ABCC1: variants seen among roughly 807,000 people sequenced by gnomAD.
ABCC1 encodes ATP binding cassette subfamily C member 1 (ABCC1 blood group).
In ABCC1, 83 loss-of-function variants were observed where a neutral mutation model predicts 172.9. The ratio of observed to expected loss-of-function variants is 0.48; its 90% CI spans 0.40 to 0.58. The LOEUF (loss-of-function observed/expected upper bound fraction) is 0.58, where lower values mean the gene tolerates loss of function less well. Ranked by LOEUF, ABCC1 falls within the 20% of genes least tolerant of loss-of-function variation. ABCC1 has a pLI of 0.00. For missense variants in ABCC1, 1,817 were observed against 2,002.7 expected (o/e 0.91, Z 1.77); for synonymous variants, 937 against 825.2 (o/e 1.14, Z -2.32).
chr16:16,076,142 C>G, intron 14 of ABCC1, 184 bp from the exon 15 acceptor site: 1 of 592,988 alleles, frequency 1.7e-6, no homozygotes, highest in South Asian at 2.2e-5. Flanking sequence ...TCTGGGGCTG[C>G]CTCCAGAACT....
Position 16,044,669 on chromosome 16 carries a change from G to A in ABCC1, c.1029G>A (p.Pro343=), listed in dbSNP as rs568658348. Reference sequence around the variant, plus strand: ...ACGACCTGATGATGTTTTCCGGGCCGCAGATCTTAAAGTAAGACCCCTTCC... The same window carrying A: ...ACGACCTGATGATGTTTTCCGGGCCACAGATCTTAAAGTAAGACCCCTTCC... The part of the protein sequence containing the change: ...AIHDLMMFSG[P]QILKLLIKFV... The change falls in exon 8 of 31, where the codon CCG becomes CCA. Residue 343 remains proline, a synonymous_variant. Transcript: ENST00000399410. 2.6e-4 allele frequency: 425 copies of A among 1,613,976 alleles called. 5 individuals are homozygous for A. The South Asian group carries it at 4.2e-3, about 16-fold the overall frequency.
chr16:16,076,115 T>C, intron 14 of ABCC1: 1 of 556,772 alleles, frequency 1.8e-6, no homozygotes, highest in East Asian at 3.3e-5. Flanking sequence ...GCTTGCAGTT[T>C]CCTTCTGCTT....
rs372024159 is a variant in ABCC1 at position 16,102,776 on chromosome 16, G to A, written c.2735+59G>A. The A allele has an allele frequency of 1.1e-5, 16 of 1,509,592 alleles. No homozygotes were observed. In the South Asian group the frequency reaches 1.5e-4, roughly 14 times the overall value. 93.5% of individuals were successfully genotyped at this position (1,509,592 alleles called of 1,614,324 possible). On this transcript the variant is annotated intron_variant, in intron 20 of 30. Coordinates refer to ENST00000399410, the MANE Select transcript of ABCC1 (RefSeq NM_004996.4). ...CCCTGCCCTGCCAGTGGGAGGACAAGAGGAGGAACAAAAAAAGGCCTCAGC... is the reference window on the plus strand; with the variant it reads ...CCCTGCCCTGCCAGTGGGAGGACAAAAGGAGGAACAAAAAAAGGCCTCAGC...
intron 26 of ABCC1, among the ~76,000 whole-genome samples, chr16:16,126,286 T>A (rs1011267955): frequency 6.6e-6 from 1 of 152,148 alleles, no homozygotes; most frequent in African/African-American, 2.4e-5. Flanking sequence ...ATTGAGATGA[T>A]CTCCCTTCAA....
intron 26 of ABCC1, among the ~76,000 whole-genome samples, chr16:16,129,985 G>A (rs905948728): frequency 8.5e-5 from 13 of 152,252 alleles, no homozygotes; most frequent in East Asian, 7.7e-4. Context: ...TGCCCTGGAC[G>A]GGGAGGTGCA....
intron 1 of ABCC1, among the ~76,000 whole-genome samples, chr16:15,976,437 G>A (rs1384332478): frequency 6.6e-6 from 1 of 152,184 alleles, no homozygotes; most frequent in Non-Finnish European, 1.5e-5. Context: ...GGTGGGGAAA[G>A]GAGGCAGAGA....
At chr16:15,975,541 G>T (rs74725285) in intron 1 of ABCC1, among the ~76,000 whole-genome samples, 395 of 86,790 alleles carry the variant, frequency 4.6e-3, no homozygotes, top group South Asian at 7.9e-3. Flanking sequence ...TTTTGTGGTG[G>T]TTTTTTTTGT....
At chr16:15,981,308 G>T (rs931638536) in intron 1 of ABCC1, among the ~76,000 whole-genome samples, 1 of 152,184 alleles carries the variant, frequency 6.6e-6, no homozygotes, top group African/African-American at 2.4e-5. Flanking sequence ...GACTGTATGG[G>T]GCCTCTGGCC....
intron 1 of ABCC1, among the ~76,000 whole-genome samples, chr16:15,996,079 G>A (rs972229571): frequency 6.6e-6 from 1 of 150,628 alleles, no homozygotes; most frequent in African/African-American, 2.5e-5. Flanking sequence ...CCACCTCCTG[G>A]GTTCAAGCGA....
chr16:16,113,822 G>A (rs991583832), intron 22 of ABCC1, among the ~76,000 whole-genome samples: 2 of 152,120 alleles, frequency 1.3e-5, no homozygotes, highest in African/African-American at 4.8e-5. Context: ...TGGTGATTTC[G>A]GGATGAAACT....
chr16:16,130,338 T>C (rs1285892617), intron 26 of ABCC1, among the ~76,000 whole-genome samples: 1 of 140,092 alleles, frequency 7.1e-6, no homozygotes, highest in Non-Finnish European at 1.5e-5. Context: ...TTTATTTAAA[T>C]TTTTTTTTAT....
At chr16:16,126,959 C>T (rs1215862518) in intron 26 of ABCC1, among the ~76,000 whole-genome samples, 1 of 152,150 alleles carries the variant, frequency 6.6e-6, no homozygotes, top group East Asian at 1.9e-4. Flanking sequence ...ACAGCTGATC[C>T]AAGGTCCCAC....
At chr16:15,999,811 T>TCCC (rs1555478356) in intron 1 of ABCC1, among the ~76,000 whole-genome samples, 26 of 34,158 alleles carry the variant, frequency 7.6e-4, no homozygotes, top group African/African-American at 2.8e-3. Flanking sequence ...CTCTCTCTCC[T>TCCC]CTCTCTCTCT....
At chr16:16,048,516 G>A (rs1343299677) in intron 10 of ABCC1, among the ~76,000 whole-genome samples, 1 of 152,104 alleles carries the variant, frequency 6.6e-6, no homozygotes, top group African/African-American at 2.4e-5. Context: ...TGGTGGCATG[G>A]CGTTTTCATT....
chr16:16,056,994 T>G (rs185458568), intron 12 of ABCC1, among the ~76,000 whole-genome samples: 45 of 152,140 alleles, frequency 3.0e-4, no homozygotes, highest in African/African-American at 1.1e-3. Context: ...GTGTGGATTG[T>G]CAGTGTCTCA....
rs144422842 is a variant in ABCC1, at chr16:16,120,180, A to G, written c.3391-1795A>G. ...ATGCTTTTTGTTGGACTCTGCCCCA[A>G]AGCAGCCCAGTACACCTGGCCCAGG... On this transcript the variant is annotated intron_variant, in intron 23 of 30. Transcript: ENST00000399410. Among the ~76,000 whole-genome samples, 9 of 151,742 alleles carry G rather than the reference A, an allele frequency of 5.9e-5. No homozygotes were observed. The East Asian group carries it at 1.0e-3, about 18-fold the overall frequency.
chr16:16,097,901 A>G (rs2051553291), intron 19 of ABCC1: 1 of 152,318 alleles, frequency 6.6e-6, no homozygotes, highest in Non-Finnish European at 1.5e-5. Flanking sequence ...TGCTGGTGAT[A>G]CAGTAATGGA....
At chr16:16,069,627 G>C (rs909734985) in intron 13 of ABCC1, among the ~76,000 whole-genome samples, 1 of 151,856 alleles carries the variant, frequency 6.6e-6, no homozygotes, top group Non-Finnish European at 1.5e-5. Flanking sequence ...CTGATAGCAG[G>C]CTTTGTCAAA....
chr16:16,090,366 A>G (rs758317922), intron 18 of ABCC1, 39 bp from the exon 19 acceptor site: 6 of 1,484,768 alleles, frequency 4.0e-6, no homozygotes, highest in Non-Finnish European at 5.4e-6. Flanking sequence ...AGTCTCACAC[A>G]TGTGCACTCA....
Sources: gnomAD v4.1 joint callset for allele counts (sites outside exome capture counted in the v4.1 genomes callset) on GRCh38, gnomAD v4.1.1 for gene constraint, MANE v1.5 for transcripts, NCBI Gene and HGNC (gene_info 2026-07-23, HGNC 2026-07-21) for gene names.